The following MIB1 variants were observed in gnomAD, a reference collection of about 807,000 sequenced individuals.
The protein encoded by MIB1 is MIB E3 ubiquitin protein ligase 1, also known as E3 ubiquitin-protein ligase MIB1.
MIB1 carries 278 observed loss-of-function variants against 124.5 expected under a neutral mutation model. That is an observed-to-expected ratio of 2.23 (90% CI 2.02 to 2.47). The LOEUF is 2.47. MIB1 is among the 30% of genes most tolerant of loss of function. MIB1 has a pLI of 0.00. For missense variants in MIB1, 957 were observed against 1,254.4 expected (o/e 0.76, Z 3.58); for synonymous variants, 446 against 429.4 (o/e 1.04, Z -0.48).
At chr18:21,819,393 G>A in intron 11 of MIB1, 102 bp from the exon 12 acceptor site, 2 of 673,004 alleles carry the variant, frequency 3.0e-6, no homozygotes, top group Non-Finnish European at 4.9e-6. Context: ...GGTATTTGTT[G>A]GATGTGGTCT....
intron 20 of MIB1, among the ~76,000 whole-genome samples, chr18:21,860,240 ACAGGTGCACACCACCACCCT>A (rs2042265634): frequency 6.7e-6 from 1 of 149,896 alleles, no homozygotes; most frequent in Non-Finnish European, 1.5e-5. Context: ...AGCTGGGACT[ACAGGTGCACACCACCACCCT>A]CAGCGAATTT....
chr18:21,847,120 A>G lies in MIB1; in HGVS notation c.2388A>G (p.Lys796=), dbSNP rs1315231284. The G allele has an allele frequency of 1.2e-6, 2 of 1,613,824 alleles. No individual in the cohort carries two copies. Among genetic ancestry groups the G allele is most frequent in the East Asian group, 4.5e-5 (2 of 44,878 alleles). ...CKALAKCHKE[K]VSGQVGSRSP... ...CACTGGCAAAGTGTCATAAGGAAAA[A>G]GTCAGGTTTGTATTATTTATTATCA... The change falls in exon 16 of 21, where the codon AAA becomes AAG. Residue 796 remains lysine, a synonymous_variant. Transcript: ENST00000261537.
intron 5 of MIB1, among the ~76,000 whole-genome samples, chr18:21,778,598 TAAAAA>T (rs982237573): frequency 6.6e-6 from 1 of 151,492 alleles, no homozygotes; most frequent in Admixed American, 6.6e-5. Context: ...ATCATTAAAA[TAAAAA>T]AAAGGGAACA....
intron 17 of MIB1, among the ~76,000 whole-genome samples, chr18:21,850,737 G>T (rs2042173192): frequency 6.6e-6 from 1 of 152,092 alleles, no homozygotes; most frequent in South Asian, 2.1e-4. Flanking sequence ...TATTAAATAG[G>T]TGTTAACCCT....
At chr18:21,844,828 CT>C (rs943292411) in intron 15 of MIB1, among the ~76,000 whole-genome samples, 8 of 152,168 alleles carry the variant, frequency 5.3e-5, no homozygotes, top group African/African-American at 7.2e-5. Context: ...TATTGAGCAT[CT>C]TTTCATTTGT....
chr18:21,709,214 A>T (rs1053377919), intron 1 of MIB1, among the ~76,000 whole-genome samples: 1 of 150,032 alleles, frequency 6.7e-6, no homozygotes, highest in Non-Finnish European at 1.5e-5. Context: ...GCTACTCAGG[A>T]GGCTGAGGCA....
rs2042335908 is a variant in MIB1, at chr18:21,868,524, AT to A, written c.*3859del. On this transcript the variant is annotated 3_prime_UTR_variant, in exon 21 of 21. Transcript: ENST00000261537. The stretch of plus-strand genomic sequence containing the variant: ...CAGAGGGGAGAGGCACATTTTAAAT[AT>A]CAGAATTAGATTAGCTTTGAGTTTG... 3 of 152,480 alleles carry A rather than the reference AT, an allele frequency of 2.0e-5. No individual in the cohort carries two copies. In the South Asian group the frequency reaches 6.2e-4, roughly 32 times the overall value. The allele number at this position is 152,480 out of a possible 1,614,324, so 9.4% of individuals were successfully genotyped here.
Position 21,740,850 on chromosome 18 carries a change from C to T in MIB1, c.-734C>T, listed in dbSNP as rs1476951368. Among the ~76,000 whole-genome samples the T allele has an allele frequency of 1.3e-5, 2 of 152,272 alleles. No individual in the cohort carries two copies. The highest frequency in any genetic ancestry group is 6.5e-5 in the Admixed American group (1 of 15,292). ...TTCTCCTCCTTTCTTCCCGCGATCGCGCGGCTCTCTGGAAGCCTTCCCACT... is the reference window on the plus strand; with the variant it reads ...TTCTCCTCCTTTCTTCCCGCGATCGTGCGGCTCTCTGGAAGCCTTCCCACT... On this transcript the variant is annotated 5_prime_UTR_variant, in exon 1 of 21. Transcript: ENST00000261537.
At chr18:21,858,837 G>A (rs1341936203) in intron 20 of MIB1, among the ~76,000 whole-genome samples, 191 bp downstream of exon 20, 1 of 152,116 alleles carries the variant, frequency 6.6e-6, no homozygotes, top group Non-Finnish European at 1.5e-5. Context: ...ACACACAAAT[G>A]GCCAATGAAT....
intron 1 of MIB1, among the ~76,000 whole-genome samples, chr18:21,735,462 T>C (rs2040792174): frequency 6.6e-6 from 1 of 151,138 alleles, no homozygotes. Flanking sequence ...GATACTGAGC[T>C]AGCTGCAAGG....
At chr18:21,829,099 T>C (rs763661889) in intron 12 of MIB1, 5 of 444,998 alleles carry the variant, frequency 1.1e-5, no homozygotes, top group African/African-American at 1.1e-4. Flanking sequence ...ATTACTAAGT[T>C]GTTAGCTGTA....
chr18:21,810,588 C>T (rs2041761273), intron 10 of MIB1, among the ~76,000 whole-genome samples: 1 of 151,768 alleles, frequency 6.6e-6, no homozygotes, highest in African/African-American at 2.4e-5. Context: ...TAAGCCTTTG[C>T]ATTAAGGTCA....
rs187136740 is a variant in MIB1, at chr18:21,735,772, G to A, written n.168-30000G>A. On this transcript the variant is annotated intron_variant and non_coding_transcript_variant, in intron 1 of 20. Coordinates refer to the MIB1 transcript ENST00000578646. ...ACAAAGCTGCCGGAAGTTCGAACTG[G>A]GTGGAGGCCCTCTGCAACTCAGCAA... is the stretch of plus-strand genomic sequence containing the variant. 3.3e-5 allele frequency among the ~76,000 whole-genome samples: 5 copies of A among 152,340 alleles called. No individual in the cohort carries two copies. In the East Asian group the frequency reaches 9.6e-4, roughly 29 times the overall value.
intron 16 of MIB1, among the ~76,000 whole-genome samples, chr18:21,848,759 A>G (rs182697355): frequency 6.6e-6 from 1 of 152,286 alleles, no homozygotes; most frequent in Non-Finnish European, 1.5e-5. Context: ...AAAGTGCCCT[A>G]TCTGTTGTGG....
chr18:21,779,551 CGAA>C lies in MIB1; in HGVS notation c.775_777del (p.Glu259del). The C allele has an allele frequency of 6.2e-7, 1 of 1,613,978 alleles. No homozygotes were observed. The highest frequency in any genetic ancestry group is 8.5e-7 in the Non-Finnish European group (1 of 1,179,990). ...ACCTGGTAAATATAGATCTCGACCT[CGAA>C]ATTGTACAGTCTTTGCAGCATGGTC... On this transcript the variant is annotated inframe_deletion, in exon 6 of 21. Coordinates refer to ENST00000261537, the MANE Select transcript of MIB1 (RefSeq NM_020774.4).
chr18:21,844,289 A>C (rs1323375152), intron 15 of MIB1, 36 bp downstream of exon 15: 2 of 1,601,542 alleles, frequency 1.2e-6, no homozygotes, highest in East Asian at 4.5e-5. Context: ...GTACCAGTGG[A>C]AGAATCTTTT....
chr18:21,766,483 G>T (rs984244954), intron 2 of MIB1, among the ~76,000 whole-genome samples: 1 of 152,184 alleles, frequency 6.6e-6, no homozygotes, highest in South Asian at 2.1e-4. Flanking sequence ...TAGGAGCAAG[G>T]AGAGAGGAGT....
At chr18:21,712,292 G>A (rs1002484065) in intron 1 of MIB1, among the ~76,000 whole-genome samples, 21 of 152,204 alleles carry the variant, frequency 1.4e-4, no homozygotes, top group African/African-American at 4.8e-4. Flanking sequence ...TGTGTGGTAG[G>A]CAGACCCTAA....
chr18:21,766,161 G>A (rs909020893), intron 2 of MIB1, among the ~76,000 whole-genome samples: 1 of 152,136 alleles, frequency 6.6e-6, no homozygotes, highest in South Asian at 2.1e-4. Flanking sequence ...GGTAATCTGG[G>A]CTATTCTTTC....
Sources: gnomAD v4.1 joint callset for allele counts (sites outside exome capture counted in the v4.1 genomes callset) on GRCh38, gnomAD v4.1.1 for gene constraint, MANE v1.5 for transcripts, NCBI Gene and HGNC (gene_info 2026-07-23, HGNC 2026-07-21) for gene names.